The following RBFOX3 variants were observed in gnomAD, a reference collection of about 807,000 sequenced individuals.
The protein encoded by RBFOX3 is RNA binding protein fox-1 homolog 3.
RBFOX3 carries 17 observed loss-of-function variants against 48.7 expected under a neutral mutation model. The ratio of observed to expected loss-of-function variants is 0.35; its 90% CI spans 0.24 to 0.52. RBFOX3 has a LOEUF of 0.52. Among genes scored for constraint, RBFOX3 ranks in the 20% least tolerant of loss-of-function variants. The pLI is 0.94. For synonymous variants in RBFOX3, 212 were observed against 209.5 expected, an observed-to-expected ratio of 1.01 and a Z score of -0.10; for missense variants, 382 against 497.5, an observed-to-expected ratio of 0.77 and a Z score of 2.21.
chr17:79,275,092 C>T (rs1422070806), intron 3 of RBFOX3, among the ~76,000 whole-genome samples: 1 of 150,868 alleles, frequency 6.6e-6, no homozygotes, highest in Non-Finnish European at 1.5e-5. Context: ...TGCCTCTACA[C>T]CCCTTCTCTC....
intron 3 of RBFOX3, among the ~76,000 whole-genome samples, chr17:79,278,871 C>T (rs1230515056): frequency 6.6e-6 from 1 of 152,202 alleles, no homozygotes. Flanking sequence ...AAATGCAAGC[C>T]GTGGGAGGAG....
rs937075973 is a variant in RBFOX3, at chr17:79,597,134, G to A, written c.-320+13692C>T. Among the ~76,000 whole-genome samples the A allele has an allele frequency of 7.2e-5, 11 of 152,314 alleles. No individual in the cohort carries two copies. In the East Asian group the frequency reaches 2.1e-3, roughly 29 times the overall value. On this transcript the variant is annotated intron_variant, in intron 1 of 14. Coordinates refer to ENST00000693108, the MANE Select transcript of RBFOX3 (RefSeq NM_001350451.2). Reference sequence around the variant, plus strand: ...ACACATTCACCCCAAATGCTTCCTGGAGAAAGCACCTGCCCTCACACTGTG... The same window carrying A: ...ACACATTCACCCCAAATGCTTCCTGAAGAAAGCACCTGCCCTCACACTGTG...
At chr17:79,580,948 A>T (rs1273623346) in intron 1 of RBFOX3, among the ~76,000 whole-genome samples, 1 of 152,148 alleles carries the variant, frequency 6.6e-6, no homozygotes, top group African/African-American at 2.4e-5. Flanking sequence ...GCCAATGCAG[A>T]TCATAAAACA....
At chr17:79,236,898 C>T (rs1486598010) in intron 3 of RBFOX3, among the ~76,000 whole-genome samples, 2 of 152,178 alleles carry the variant, frequency 1.3e-5, no homozygotes, top group Admixed American at 6.5e-5. Flanking sequence ...AGATTTCCTT[C>T]CTTTATTTTA....
intron 2 of RBFOX3, among the ~76,000 whole-genome samples, chr17:79,338,939 G>C (rs2081609652): frequency 1.3e-5 from 2 of 152,198 alleles, no homozygotes; most frequent in African/African-American, 4.8e-5. Flanking sequence ...AAACCCACTA[G>C]TGAGAGGGAA....
At chr17:79,284,521 C>G (rs2071382124) in intron 3 of RBFOX3, among the ~76,000 whole-genome samples, 1 of 141,508 alleles carries the variant, frequency 7.1e-6, no homozygotes, top group African/African-American at 2.7e-5. Context: ...TGGCTGGAAG[C>G]AGGCTTGGGG....
intron 4 of RBFOX3, among the ~76,000 whole-genome samples, chr17:79,167,208 A>AT (rs1192964778): frequency 6.6e-6 from 1 of 152,196 alleles, no homozygotes; most frequent in East Asian, 1.9e-4. Context: ...TGCCAGGCAC[A>AT]TGGCCAAGAA....
At chr17:79,174,937 G>A (rs1462349809) in intron 4 of RBFOX3, among the ~76,000 whole-genome samples, 1 of 152,210 alleles carries the variant, frequency 6.6e-6, no homozygotes, top group Non-Finnish European at 1.5e-5. Flanking sequence ...CCTCTGCCTG[G>A]AACGGTTCCT....
the RBFOX3 span, among the ~76,000 whole-genome samples, chr17:79,633,583 C>A: frequency 6.6e-6 from 1 of 151,870 alleles, no homozygotes. Context: ...TGGTGCCAGC[C>A]AGACTCCAGC....
chr17:79,440,446 G>A (rs1404869438), intron 2 of RBFOX3, among the ~76,000 whole-genome samples: 1 of 152,130 alleles, frequency 6.6e-6, no homozygotes, highest in Admixed American at 6.5e-5. Context: ...GCCAGCTGGG[G>A]CTCCATTGGC....
chr17:79,101,458 C>T, intron 9 of RBFOX3, 126 bp downstream of exon 9: 1 of 849,978 alleles, frequency 1.2e-6, no homozygotes, highest in East Asian at 2.7e-5. Context: ...AGCCCCAGGG[C>T]TGGGACACTG....
At chr17:79,448,643 C>A (rs930818497) in intron 2 of RBFOX3, among the ~76,000 whole-genome samples, 5 of 152,136 alleles carry the variant, frequency 3.3e-5, no homozygotes, top group African/African-American at 1.2e-4. Context: ...TCCAGAAATG[C>A]AAGACTTCAT....
At chr17:79,495,845 G>A (rs955477890) in intron 1 of RBFOX3, among the ~76,000 whole-genome samples, 5 of 151,696 alleles carry the variant, frequency 3.3e-5, no homozygotes, top group East Asian at 1.9e-4. Context: ...GGCGGTGGAC[G>A]GGGTGGAGGT....
At chr17:79,136,617 GGCT>G (rs2040262726) in intron 4 of RBFOX3, among the ~76,000 whole-genome samples, 1 of 152,198 alleles carries the variant, frequency 6.6e-6, no homozygotes, top group African/African-American at 2.4e-5. Flanking sequence ...TCTGTTGGTT[GGCT>G]CAGCCTGGCG....
chr17:79,139,678 C>A (rs1284838122), intron 4 of RBFOX3, among the ~76,000 whole-genome samples: 1 of 152,190 alleles, frequency 6.6e-6, no homozygotes, highest in East Asian at 1.9e-4. Flanking sequence ...TGGGACAATT[C>A]TTTCCTACCA....
At chr17:79,402,899 G>C (rs2062996502) in intron 2 of RBFOX3, among the ~76,000 whole-genome samples, 1 of 152,110 alleles carries the variant, frequency 6.6e-6, no homozygotes, top group Admixed American at 6.5e-5. Context: ...GCTGCCCCGA[G>C]GTTGCAGGTC....
chr17:79,097,744 G>C lies in RBFOX3; in HGVS notation c.570C>G (p.Gly190=). Residue 190 remains glycine, a splice_region_variant and synonymous_variant, in exon 10 of 15, where the codon GGC becomes GGG. Coordinates refer to ENST00000693108, the MANE Select transcript of RBFOX3 (RefSeq NM_001350451.2). Reference sequence around the variant, plus strand: ...CGCCGACCACTGGATTTAGCTTCCAGCCTAAAACAAAGGCACAGAGACCTA... The same window carrying C: ...CGCCGACCACTGGATTTAGCTTCCACCCTAAAACAAAGGCACAGAGACCTA... ...NKKTGNPYTN[G]WKLNPVVGAV... is the part of the protein sequence containing the mutation. 1.3e-6 allele frequency: 2 copies of C among 1,550,528 alleles called. No individual in the cohort carries two copies. Among genetic ancestry groups the C allele is most frequent in the Non-Finnish European group, 8.7e-7 (1 of 1,146,494 alleles).
chr17:79,358,954 G>C (rs1220531499), intron 2 of RBFOX3, among the ~76,000 whole-genome samples: 1 of 152,166 alleles, frequency 6.6e-6, no homozygotes, highest in South Asian at 2.1e-4. Flanking sequence ...CAGAGGGCTC[G>C]CGCAGAGCAG....
chr17:79,093,534 G>A (rs1466636132), intron 14 of RBFOX3, among the ~76,000 whole-genome samples: 1 of 142,328 alleles, frequency 7.0e-6, no homozygotes, highest in Non-Finnish European at 1.5e-5. Context: ...GGTGTCTGAG[G>A]CTCGTTAAAA....
Sources: gnomAD v4.1 joint callset for allele counts (sites outside exome capture counted in the v4.1 genomes callset) on GRCh38, gnomAD v4.1.1 for gene constraint, MANE v1.5 for transcripts, NCBI Gene and HGNC (gene_info 2026-07-23, HGNC 2026-07-21) for gene names.